The following PPFIBP2 variants were observed in gnomAD, a reference collection of about 807,000 sequenced individuals.
PPFIBP2 encodes the protein PPFIB scaffold protein 2.
A neutral mutation model predicts 118.3 loss-of-function variants in PPFIBP2; 118 were observed. That is an observed-to-expected ratio of 1.00 (90% CI 0.86 to 1.16). PPFIBP2 has a LOEUF of 1.16. Ranked by LOEUF, PPFIBP2 falls within the 50% of genes most tolerant of loss-of-function variation. The probability of loss-of-function intolerance (pLI) is 0.00; values close to 1 mark genes in which losing one functional copy is unlikely to be tolerated. For synonymous variants in PPFIBP2, 414 were observed against 397.4 expected (o/e 1.04, Z -0.50); for missense variants, 1,195 against 1,073.1 (o/e 1.11, Z -1.59).
chr11:7,643,742 C>A (rs7943734), intron 17 of PPFIBP2, among the ~76,000 whole-genome samples: 23,332 of 152,154 alleles, frequency 0.15, 2,909 homozygotes, highest in African/African-American at 0.35. Context: ...ACTGTTGTTG[C>A]TAGTATTCTT....
rs1031296533 is a variant in PPFIBP2, at chr11:7,599,890, C to T, written c.486+2217C>T. Among the ~76,000 whole-genome samples, 6 of 151,244 alleles carry T rather than the reference C, an allele frequency of 4.0e-5. No homozygotes were observed. The East Asian group carries it at 5.9e-4, about 15-fold the overall frequency. ...CAATCTCCTGACCTCATGATCCACC[C>T]GCCTTGGCCTCCCAAAGTGCTGGGA... On this transcript the variant is annotated intron_variant, in intron 5 of 23. Transcript: ENST00000299492.
chr11:7,584,833 A>G lies in PPFIBP2; in HGVS notation c.280-8299A>G, dbSNP rs888062732. Among the ~76,000 whole-genome samples the G allele has an allele frequency of 2.9e-4, 44 of 152,214 alleles. 1 individual carries two copies. The highest frequency in any genetic ancestry group is 1.1e-3 in the African/African-American group (44 of 41,454). On this transcript the variant is annotated intron_variant, in intron 3 of 23. Coordinates refer to ENST00000299492, the MANE Select transcript of PPFIBP2 (RefSeq NM_003621.5). ...TGAGTGGTGCTTCTGAGCTTAAGATATAGCCTTAGTAACTTTGATATCTCC... is the reference window on the plus strand; with the variant it reads ...TGAGTGGTGCTTCTGAGCTTAAGATGTAGCCTTAGTAACTTTGATATCTCC...
chr11:7,562,127 C>A (rs551378621), intron 2 of PPFIBP2, among the ~76,000 whole-genome samples: 7 of 152,338 alleles, frequency 4.6e-5, no homozygotes, highest in African/African-American at 1.4e-4. Flanking sequence ...AGTGATCTGA[C>A]AGGAGGCGGA....
At chr11:7,594,613 C>G (rs559191297) in intron 4 of PPFIBP2, among the ~76,000 whole-genome samples, 14 of 150,520 alleles carry the variant, frequency 9.3e-5, no homozygotes, top group Non-Finnish European at 1.9e-4. Flanking sequence ...GAAACCCTGT[C>G]TCTACTGAAA....
At chr11:7,636,574 C>A (rs1851481279) in intron 14 of PPFIBP2, among the ~76,000 whole-genome samples, 1 of 152,066 alleles carries the variant, frequency 6.6e-6, no homozygotes, top group Admixed American at 6.6e-5. Flanking sequence ...TCAGCAGTCC[C>A]CCCTCCCACC....
chr11:7,643,199 C>G (rs1224139238), intron 17 of PPFIBP2, among the ~76,000 whole-genome samples: 1 of 152,104 alleles, frequency 6.6e-6, no homozygotes, highest in East Asian at 1.9e-4. Context: ...ATTTACTTGG[C>G]AATTTTCTCA....
intron 4 of PPFIBP2, among the ~76,000 whole-genome samples, chr11:7,593,468 G>A (rs1859723964): frequency 6.6e-6 from 1 of 152,168 alleles, no homozygotes; most frequent in Non-Finnish European, 1.5e-5. Flanking sequence ...CCAAGCACCC[G>A]CTTCTATACA....
intron 2 of PPFIBP2, among the ~76,000 whole-genome samples, chr11:7,564,571 C>T (rs1854733186): frequency 6.6e-6 from 1 of 152,194 alleles, no homozygotes; most frequent in South Asian, 2.1e-4. Context: ...TGGGATAAGC[C>T]AACCCAAACA....
At chr11:7,578,142 A>G (rs1188036376) in intron 3 of PPFIBP2, among the ~76,000 whole-genome samples, 2 of 152,216 alleles carry the variant, frequency 1.3e-5, no homozygotes, top group African/African-American at 4.8e-5. Context: ...AATGCTCTGA[A>G]GCTGAGGGTT....
intron 5 of PPFIBP2, among the ~76,000 whole-genome samples, chr11:7,607,209 CT>C (rs55981312): frequency 0.093 from 11,130 of 119,942 alleles, 813 homozygotes; most frequent in East Asian, 0.43. Context: ...CGCGCCCGGC[CT>C]TTTTTTTTTT....
chr11:7,571,265 C>G (rs967217656), intron 3 of PPFIBP2, among the ~76,000 whole-genome samples: 1 of 152,210 alleles, frequency 6.6e-6, no homozygotes, highest in South Asian at 2.1e-4. Flanking sequence ...GCCACCCCCC[C>G]TTCTCAGCTC....
intron 1 of PPFIBP2, among the ~76,000 whole-genome samples, chr11:7,520,358 T>C (rs7481380): frequency 1 from 152,270 of 152,270 alleles, 76,135 homozygotes; most frequent in Non-Finnish European, 1. Context: ...TTTCCTGCTT[T>C]TGCTGTTTTG....
chr11:7,622,420 G>C (rs1849458088), intron 7 of PPFIBP2, among the ~76,000 whole-genome samples: 2 of 151,778 alleles, frequency 1.3e-5, no homozygotes, highest in Admixed American at 6.6e-5. Context: ...CAAACATCAG[G>C]GTCTCTCTAT....
chr11:7,566,681 T>C (rs939281192), intron 3 of PPFIBP2, among the ~76,000 whole-genome samples: 60 of 152,030 alleles, frequency 3.9e-4, no homozygotes, highest in African/African-American at 1.5e-3. Flanking sequence ...ATTTCACTAA[T>C]ATACCTAAAT....
intron 1 of PPFIBP2, among the ~76,000 whole-genome samples, chr11:7,523,365 G>C (rs1016498132): frequency 6.6e-6 from 1 of 152,146 alleles, no homozygotes; most frequent in Non-Finnish European, 1.5e-5. Flanking sequence ...TTGAATTATT[G>C]TCTGAGTTGT....
At chr11:7,599,693 C>T (rs111322900) in intron 5 of PPFIBP2, among the ~76,000 whole-genome samples, 18,094 of 148,862 alleles carry the variant, frequency 0.12, 2,102 homozygotes, top group African/African-American at 0.29. Flanking sequence ...TGCGGTGGCG[C>T]GATCTCGGCT....
intron 7 of PPFIBP2, among the ~76,000 whole-genome samples, chr11:7,623,258 A>G (rs762370346): frequency 6.6e-6 from 1 of 152,204 alleles, no homozygotes; most frequent in African/African-American, 2.4e-5. Flanking sequence ...CAATGGCAGT[A>G]GGGCATGGTC....
intron 1 of PPFIBP2, chr11:7,548,454 G>A (rs559646645): frequency 7.9e-5 from 12 of 152,380 alleles, no homozygotes; most frequent in African/African-American, 2.6e-4. Flanking sequence ...CGGCACATGT[G>A]TAGATTTGCT....
intron 3 of PPFIBP2, among the ~76,000 whole-genome samples, chr11:7,588,132 T>A (rs779604825): frequency 3.3e-5 from 5 of 152,162 alleles, no homozygotes; most frequent in African/African-American, 9.7e-5. Flanking sequence ...AGCAACCAGC[T>A]CTCTGTGCAT....
Sources: allele counts gnomAD v4.1 joint callset (sites outside exome capture counted in the v4.1 genomes callset), GRCh38; gene constraint gnomAD v4.1.1; transcripts MANE v1.5; gene names NCBI Gene and HGNC (gene_info 2026-07-23, HGNC 2026-07-21).